The following PCDH15 variants were observed in gnomAD, a reference collection of about 807,000 sequenced individuals.
PCDH15 encodes the protein protocadherin-15.
A neutral mutation model predicts 178.5 loss-of-function variants in PCDH15; 129 were observed. That is an observed-to-expected ratio of 0.72 (90% CI 0.63 to 0.84). The LOEUF (loss-of-function observed/expected upper bound fraction) is 0.84, where lower values mean the gene tolerates loss of function less well. Ranked by LOEUF, PCDH15 falls within the 40% of genes least tolerant of loss-of-function variation. PCDH15 has a pLI of 0.00. For missense variants in PCDH15, 2,230 were observed against 2,099.9 expected, an observed-to-expected ratio of 1.06 and a Z score of -1.21; for synonymous variants, 800 against 732.0, an observed-to-expected ratio of 1.09 and a Z score of -1.50.
chr10:54,267,179 AT>A (rs775338769), intron 8 of PCDH15, among the ~76,000 whole-genome samples: 18 of 132,974 alleles, frequency 1.4e-4, no homozygotes, highest in Non-Finnish European at 2.8e-4. Flanking sequence ...AATGAAAAAA[AT>A]AAGATTATCT....
At position 54,988,542 on chromosome 10, in the gene PCDH15, G is replaced by C. The variant is rs146497225; in HGVS notation, c.-79-91042C>G. Reference sequence around the variant, plus strand: ...TCAGATGAAAATGAGGAAATTTCTGGGAACTGGAGCAAAGGTGACTCTTGT... The same window carrying C: ...TCAGATGAAAATGAGGAAATTTCTGCGAACTGGAGCAAAGGTGACTCTTGT... On this transcript the variant is annotated intron_variant, in intron 2 of 5. Transcript: ENST00000458638. Among the ~76,000 whole-genome samples, 998 of 152,268 alleles carry C rather than the reference G, an allele frequency of 6.6e-3. 15 individuals are homozygous for C. The highest frequency in any genetic ancestry group is 0.023 in the African/African-American group (936 of 41,552).
At chr10:54,646,681 T>C (rs1178730045) in intron 2 of PCDH15, among the ~76,000 whole-genome samples, 4 of 152,068 alleles carry the variant, frequency 2.6e-5, no homozygotes, top group African/African-American at 9.7e-5. Flanking sequence ...TCTGTGAACA[T>C]AGGATGTCTT....
chr10:54,757,086 T>C (rs1475256694), intron 1 of PCDH15, among the ~76,000 whole-genome samples: 1 of 152,112 alleles, frequency 6.6e-6, no homozygotes, highest in East Asian at 1.9e-4. Flanking sequence ...AGGAGAAATA[T>C]AAAAATTTGC....
chr10:54,355,343 T>C (rs1030614146), intron 5 of PCDH15, among the ~76,000 whole-genome samples: 15 of 151,990 alleles, frequency 9.9e-5, no homozygotes, highest in African/African-American at 3.6e-4. Context: ...ATGTATCTCA[T>C]TAAAGATAAT....
intron 19 of PCDH15, 43 bp from the exon 20 acceptor site, chr10:54,020,459 A>C (rs750035198): frequency 1.4e-5 from 22 of 1,573,366 alleles, no homozygotes; most frequent in Non-Finnish European, 1.7e-5. Context: ...ACGTTACCAA[A>C]ATAAAGAAAT....
intron 10 of PCDH15, among the ~76,000 whole-genome samples, chr10:54,213,040 T>C (rs1457258395): frequency 2.0e-5 from 3 of 152,164 alleles, no homozygotes; most frequent in Non-Finnish European, 4.4e-5. Context: ...TACTTCCTTT[T>C]CCTTTAGTAT....
chr10:54,922,461 G>A (rs1837519078), intron 2 of PCDH15, among the ~76,000 whole-genome samples: 1 of 152,048 alleles, frequency 6.6e-6, no homozygotes, highest in Non-Finnish European at 1.5e-5. Context: ...TATTTTACAG[G>A]CTCATATGTG....
At chr10:55,173,145 A>G (rs1591963943) in intron 1 of PCDH15, among the ~76,000 whole-genome samples, 1 of 152,094 alleles carries the variant, frequency 6.6e-6, no homozygotes, top group East Asian at 1.9e-4. Context: ...ATTAAAAAAA[A>G]CACTTTAGAA....
chr10:55,436,999 C>T (rs773285605), intron 2 of PCDH15, among the ~76,000 whole-genome samples: 2 of 152,180 alleles, frequency 1.3e-5, no homozygotes, highest in Non-Finnish European at 2.9e-5. Context: ...AATTTTACCT[C>T]AGAAGAGTCA....
At chr10:54,958,628 T>G (rs1838556082) in intron 2 of PCDH15, among the ~76,000 whole-genome samples, 1 of 151,534 alleles carries the variant, frequency 6.6e-6, no homozygotes, top group Non-Finnish European at 1.5e-5. Flanking sequence ...TTATATCACC[T>G]CAGAATTTAA....
At chr10:55,459,282 G>C (rs987413065) in intron 2 of PCDH15, among the ~76,000 whole-genome samples, 5 of 147,834 alleles carry the variant, frequency 3.4e-5, no homozygotes, top group African/African-American at 1.0e-4. Flanking sequence ...AAATATTCAC[G>C]GTAAATTACC....
chr10:54,114,808 G>A (rs980247471), intron 15 of PCDH15, among the ~76,000 whole-genome samples: 4 of 152,094 alleles, frequency 2.6e-5, no homozygotes, highest in East Asian at 3.9e-4. Context: ...GGTTCCAGAG[G>A]TAGGAATCAC....
At chr10:55,612,595 G>C (rs1242715413) in intron 2 of PCDH15, among the ~76,000 whole-genome samples, 1 of 151,998 alleles carries the variant, frequency 6.6e-6, no homozygotes, top group Non-Finnish European at 1.5e-5. Flanking sequence ...TCAAAATATA[G>C]GGTTTTATTT....
At chr10:54,818,041 C>T (rs1056338177) in intron 3 of PCDH15, among the ~76,000 whole-genome samples, 1 of 151,952 alleles carries the variant, frequency 6.6e-6, no homozygotes, top group African/African-American at 2.4e-5. Context: ...TTAGTAACAA[C>T]CCTAAAGTTT....
intron 1 of PCDH15, among the ~76,000 whole-genome samples, chr10:54,790,527 C>T (rs1325132172): frequency 1.3e-5 from 2 of 151,768 alleles, no homozygotes; most frequent in African/African-American, 4.8e-5. Context: ...ATGAAACCTT[C>T]TTTGCAGGCT....
chr10:55,302,321 T>C (rs1843307686), intron 1 of PCDH15, among the ~76,000 whole-genome samples: 1 of 152,178 alleles, frequency 6.6e-6, no homozygotes, highest in Non-Finnish European at 1.5e-5. Flanking sequence ...TACTAGATAT[T>C]TCATTCAATT....
chr10:54,669,296 A>G (rs924363515), intron 1 of PCDH15, among the ~76,000 whole-genome samples: 4 of 151,814 alleles, frequency 2.6e-5, no homozygotes, highest in African/African-American at 4.8e-5. Context: ...CCTTTCAGAT[A>G]TATTCCTTCC....
intron 19 of PCDH15, among the ~76,000 whole-genome samples, chr10:54,021,504 T>C (rs1479646777): frequency 6.6e-6 from 1 of 151,954 alleles, no homozygotes; most frequent in African/African-American, 2.4e-5. Context: ...GCCACTACAT[T>C]TTCTAGACCT....
chr10:55,609,173 T>A (rs1843303637), intron 2 of PCDH15, among the ~76,000 whole-genome samples: 1 of 152,098 alleles, frequency 6.6e-6, no homozygotes, highest in African/African-American at 2.4e-5. Flanking sequence ...TGGGAAGAAT[T>A]GTAATTCTTA....
Sources: allele counts gnomAD v4.1 joint callset (sites outside exome capture counted in the v4.1 genomes callset), GRCh38; gene constraint gnomAD v4.1.1; transcripts MANE v1.5; gene names NCBI Gene and HGNC (gene_info 2026-07-23, HGNC 2026-07-21).